The following MTUS2 variants were observed in gnomAD, a reference collection of about 807,000 sequenced individuals.
MTUS2 encodes microtubule-associated tumor suppressor candidate 2.
MTUS2 carries 40 observed loss-of-function variants against 114.1 expected under a neutral mutation model. That is an observed-to-expected ratio of 0.35 (90% CI 0.27 to 0.46). MTUS2 has a LOEUF of 0.46. MTUS2 is among the 20% of genes least tolerant of loss of function. The probability of loss-of-function intolerance (pLI) is 1.00; values close to 1 mark genes in which losing one functional copy is unlikely to be tolerated. For missense variants in MTUS2, 1,679 were observed against 1,705.4 expected, an observed-to-expected ratio of 0.98 and a Z score of 0.27; for synonymous variants, 688 against 672.0, an observed-to-expected ratio of 1.02 and a Z score of -0.37.
intron 2 of MTUS2, among the ~76,000 whole-genome samples, chr13:29,021,943 A>G (rs1452306469): frequency 6.6e-6 from 1 of 152,154 alleles, no homozygotes; most frequent in Non-Finnish European, 1.5e-5. Context: ...AGTGGAGATA[A>G]GGCTGGTAGA....
chr13:29,131,372 T>A (rs1891755432), intron 5 of MTUS2, among the ~76,000 whole-genome samples: 1 of 152,356 alleles, frequency 6.6e-6, no homozygotes, highest in East Asian at 1.9e-4. Flanking sequence ...ACATACTGGA[T>A]ATGAGACAGC....
chr13:29,276,098 A>C (rs1237064261), intron 5 of MTUS2, among the ~76,000 whole-genome samples: 1 of 152,214 alleles, frequency 6.6e-6, no homozygotes, highest in Non-Finnish European at 1.5e-5. Context: ...GAGTTCAACT[A>C]CATGAGATTT....
chr13:29,097,802 C>T (rs992203487), intron 4 of MTUS2, among the ~76,000 whole-genome samples: 2 of 152,106 alleles, frequency 1.3e-5, no homozygotes, highest in Non-Finnish European at 2.9e-5. Flanking sequence ...CTAATTACCT[C>T]CTAAAGGTCC....
chr13:29,074,258 G>A (rs1295917423), intron 4 of MTUS2, among the ~76,000 whole-genome samples: 2 of 152,102 alleles, frequency 1.3e-5, no homozygotes, highest in Non-Finnish European at 2.9e-5. Context: ...GTCCTAACTT[G>A]ACTAGCTCCT....
chr13:28,988,345 C>T, intron 2 of MTUS2, among the ~76,000 whole-genome samples: 1 of 152,174 alleles, frequency 6.6e-6, no homozygotes, highest in East Asian at 1.9e-4. Flanking sequence ...ACCTACCTGG[C>T]TATGTCATCA....
chr13:29,241,366 A>T (rs965652165), intron 5 of MTUS2, among the ~76,000 whole-genome samples: 2 of 152,206 alleles, frequency 1.3e-5, no homozygotes, highest in Non-Finnish European at 2.9e-5. Flanking sequence ...CTTTCTCAGT[A>T]ATTATATTAT....
At chr13:28,944,189 A>G (rs1186675145) in intron 2 of MTUS2, among the ~76,000 whole-genome samples, 1 of 152,068 alleles carries the variant, frequency 6.6e-6, no homozygotes, top group Non-Finnish European at 1.5e-5. Context: ...TGGTATATCC[A>G]TCACCTTAAA....
chr13:29,452,570 ATATATGTGTGTGTGTGTGTG>A (rs1348053006), intron 9 of MTUS2, among the ~76,000 whole-genome samples: 1 of 131,178 alleles, frequency 7.6e-6, no homozygotes. Context: ...ATATATATAT[ATATATGTGTGTGTGTGTGTG>A]TGTGTGTGTG....
In MTUS2 at chr13:29,025,978, C is replaced by G. The variant is rs780683961; in HGVS notation, c.1280C>G (p.Ser427Cys). 5 of 1,614,006 alleles carry G rather than the reference C, an allele frequency of 3.1e-6. No individual in the cohort carries two copies. The highest frequency in any genetic ancestry group is 4.2e-6 in the Non-Finnish European group (5 of 1,179,892). Residue 427 changes from serine to cysteine, a missense_variant, in exon 3 of 16, where the codon TCC becomes TGC. By Grantham distance (112) the Ser-to-Cys change is moderately radical. Transcript: ENST00000612955. ...GGTGAGAAGTTGGGTGAAAGGACAT[C>G]CAGCAGCTTTTCACCAGGTGACAGT... is the stretch of plus-strand genomic sequence containing the variant. ...CAGEKLGERT[S>C]SSFSPGDSHV...
chr13:28,986,579 C>T (rs1884597950), intron 2 of MTUS2, among the ~76,000 whole-genome samples: 3 of 152,198 alleles, frequency 2.0e-5, no homozygotes, highest in Non-Finnish European at 4.4e-5. Flanking sequence ...TTTTGGGCTA[C>T]TCTCCCGAGC....
intron 4 of MTUS2, among the ~76,000 whole-genome samples, chr13:29,045,627 T>C (rs1350959685): frequency 6.6e-6 from 1 of 152,218 alleles, no homozygotes; most frequent in Non-Finnish European, 1.5e-5. Context: ...CTGGAAATGC[T>C]ACATAACCAT....
intron 2 of MTUS2, among the ~76,000 whole-genome samples, chr13:28,878,275 A>G (rs796926149): frequency 5.9e-5 from 9 of 151,730 alleles, no homozygotes; most frequent in African/African-American, 1.9e-4. Flanking sequence ...ATGTGTATAT[A>G]TGTGTGTGTA....
rs950475335 is a variant in MTUS2, at chr13:29,024,603, G to A, written c.-96G>A. The A allele has an allele frequency of 1.4e-6, 2 of 1,449,416 alleles. No individual in the cohort carries two copies. The highest frequency in any genetic ancestry group is 4.1e-5 in the Admixed American group (2 of 48,222). 89.8% of individuals were successfully genotyped at this position (1,449,416 alleles called of 1,614,324 possible). On this transcript the variant is annotated 5_prime_UTR_variant, in exon 3 of 16. Transcript: ENST00000612955. Reference sequence around the variant, plus strand: ...TGACATTGTCAGGGGAGAACAAGCAGCTTGAGAATTTCCTCTTAATCTGAT... The same window carrying A: ...TGACATTGTCAGGGGAGAACAAGCAACTTGAGAATTTCCTCTTAATCTGAT...
intron 5 of MTUS2, among the ~76,000 whole-genome samples, chr13:29,158,791 T>C (rs1171600621): frequency 1.3e-5 from 2 of 152,142 alleles, no homozygotes; most frequent in Admixed American, 6.5e-5. Flanking sequence ...TTTTGAATTA[T>C]TTTAAGATGC....
At chr13:29,016,253 T>C (rs972609386) in intron 2 of MTUS2, among the ~76,000 whole-genome samples, 14 of 151,806 alleles carry the variant, frequency 9.2e-5, no homozygotes, top group African/African-American at 3.4e-4. Flanking sequence ...TTTGGAAAAA[T>C]ATCATCCAAG....
At chr13:28,900,310 G>A (rs968864785) in intron 2 of MTUS2, among the ~76,000 whole-genome samples, 4 of 152,132 alleles carry the variant, frequency 2.6e-5, no homozygotes, top group African/African-American at 7.2e-5. Context: ...GTGTGTGTGT[G>A]TATGTGTGTG....
chr13:29,251,967 G>A (rs1356214013), intron 5 of MTUS2, among the ~76,000 whole-genome samples: 1 of 152,154 alleles, frequency 6.6e-6, no homozygotes, highest in African/African-American at 2.4e-5. Flanking sequence ...GGAATTGCTG[G>A]ATCACACAGT....
intron 8 of MTUS2, chr13:29,428,983 C>A: frequency 1.5e-6 from 2 of 1,328,240 alleles, no homozygotes; most frequent in Non-Finnish European, 2.2e-6. Flanking sequence ...GGTGCCTGTC[C>A]CCCTAGCATG....
At chr13:29,084,783 C>CA (rs996105923) in intron 4 of MTUS2, among the ~76,000 whole-genome samples, 1 of 118,190 alleles carries the variant, frequency 8.5e-6, no homozygotes, top group African/African-American at 3.0e-5. Context: ...GGTGATCCAC[C>CA]CCCCCCCCTC....
Sources: gnomAD v4.1 joint callset for allele counts (sites outside exome capture counted in the v4.1 genomes callset) on GRCh38, gnomAD v4.1.1 for gene constraint, MANE v1.5 for transcripts, NCBI Gene and HGNC (gene_info 2026-07-23, HGNC 2026-07-21) for gene names.